CSMD3: variants seen among roughly 807,000 people sequenced by gnomAD.
CSMD3 encodes CUB and Sushi multiple domains 3.
In CSMD3, 177 loss-of-function variants were observed where a neutral mutation model predicts 435.2. The ratio of observed to expected loss-of-function variants is 0.41; its 90% CI spans 0.36 to 0.46. The LOEUF (loss-of-function observed/expected upper bound fraction) is 0.46. CSMD3 is among the 20% of genes least tolerant of loss of function. The pLI, the probability that CSMD3 is intolerant of heterozygous loss-of-function variation, is 0.34. For synonymous variants in CSMD3, 1,656 were observed against 1,520.5 expected (o/e 1.09, Z -2.07); for missense variants, 4,265 against 4,504.6 (o/e 0.95, Z 1.52).
At chr8:112,935,138 C>T (rs2083240698) in intron 9 of CSMD3, among the ~76,000 whole-genome samples, 3 of 151,984 alleles carry the variant, frequency 2.0e-5, no homozygotes, top group Admixed American at 2.0e-4. Context: ...TTTCTGACAC[C>T]ATTTATTGAA....
At chr8:113,331,539 TA>T (rs989215017) in intron 1 of CSMD3, among the ~76,000 whole-genome samples, 7 of 151,612 alleles carry the variant, frequency 4.6e-5, no homozygotes, top group African/African-American at 1.7e-4. Flanking sequence ...CTTGATGAAA[TA>T]CTAGAAAAGT....
intron 13 of CSMD3, among the ~76,000 whole-genome samples, chr8:112,734,378 T>C (rs1215641942): frequency 6.6e-5 from 10 of 151,844 alleles, no homozygotes; most frequent in South Asian, 4.1e-4. Context: ...AGGTCATTGT[T>C]AAACACTAGT....
intron 12 of CSMD3, among the ~76,000 whole-genome samples, chr8:112,807,537 T>TAGGTAGGA (rs1232991977): frequency 0.016 from 1,384 of 87,354 alleles, 16 homozygotes; most frequent in Middle Eastern, 0.038. Flanking sequence ...GGTAGGTAGG[T>TAGGTAGGA]AGGAAATACA....
intron 4 of CSMD3, among the ~76,000 whole-genome samples, chr8:113,127,269 C>G (rs2091160686): frequency 1.3e-5 from 2 of 152,080 alleles, no homozygotes. Context: ...TCACAATCAC[C>G]TGTCATGTCC....
rs550148174 is a variant in CSMD3, at chr8:112,836,904, A to T, written c.1756-7115T>A. On this transcript the variant is annotated intron_variant, in intron 11 of 70. Coordinates refer to ENST00000297405, the MANE Select transcript of CSMD3 (RefSeq NM_198123.2). ...TCCCATGTTTATTTGGCTACTGGTG[A>T]TGAAACTAAACTTCAAGTTTGCTTG... Among the ~76,000 whole-genome samples the T allele has an allele frequency of 5.3e-5, 8 of 152,000 alleles. 1 individual carries two copies. Among genetic ancestry groups the T allele is most frequent in the Admixed American group, 5.3e-4 (8 of 15,214 alleles).
chr8:112,836,042 G>A (rs1396445928), intron 11 of CSMD3, among the ~76,000 whole-genome samples: 1 of 151,736 alleles, frequency 6.6e-6, no homozygotes, highest in Admixed American at 6.6e-5. Flanking sequence ...TATTGGATTT[G>A]GGATAGCCTA....
intron 2 of CSMD3, among the ~76,000 whole-genome samples, chr8:113,299,329 G>GA (rs2093746031): frequency 6.6e-6 from 1 of 151,938 alleles, no homozygotes; most frequent in Non-Finnish European, 1.5e-5. Flanking sequence ...ATGCTTATTT[G>GA]AAAAATATGT....
intron 6 of CSMD3, among the ~76,000 whole-genome samples, chr8:112,994,351 T>C (rs2085565628): frequency 6.6e-6 from 1 of 151,552 alleles, no homozygotes; most frequent in Non-Finnish European, 1.5e-5. Context: ...AATAGCTACA[T>C]ACAAAAGACA....
At chr8:112,805,678 C>A (rs1024364730) in intron 12 of CSMD3, among the ~76,000 whole-genome samples, 3 of 152,170 alleles carry the variant, frequency 2.0e-5, no homozygotes, top group Admixed American at 1.3e-4. Flanking sequence ...CCATCCTCTG[C>A]AAAGTTTTTT....
chr8:112,954,720 A>G lies in CSMD3; in HGVS notation c.1384T>C (p.Phe462Leu). The stretch of plus-strand genomic sequence containing the variant: ...TTGTTGCTGTTGTCTTTCCCTGGAA[A>G]CAATTTAAATCCTCTAGATTTAAAA... ...IDFKSRGFKL[F>L]PGKDNSNKFS... is the part of the protein sequence containing the mutation. The change falls in exon 8 of 71, where the codon TTT (phenylalanine) becomes CTT (leucine). Residue 462 changes from phenylalanine to leucine, a missense_variant. Around this residue, in one of 3 missense-constraint regions of CSMD3, gnomAD observed 731 missense variants for 755.4 expected, o/e 0.97. Transcript: ENST00000297405. 1.2e-6 allele frequency: 2 copies of G among 1,603,286 alleles called. No homozygotes were observed. Among genetic ancestry groups the G allele is most frequent in the Non-Finnish European group, 1.7e-6 (2 of 1,171,366 alleles).
chr8:112,228,853 G>T lies in CSMD3; in HGVS notation c.10867C>A (p.Pro3623Thr), dbSNP rs1409090151. 5 of 1,589,590 alleles carry T rather than the reference G, an allele frequency of 3.1e-6. No homozygotes were observed. The highest frequency in any genetic ancestry group is 4.5e-5 in the East Asian group (2 of 44,572). ...MSEGSNSSNQ[P>T]HGTNSSSVAI... ...ACAGAACTACTATTTGTACCATGAGGTTGATTTGAAGAATTTGAACCTTCT... is the reference window on the plus strand; with the variant it reads ...ACAGAACTACTATTTGTACCATGAGTTTGATTTGAAGAATTTGAACCTTCT... Residue 3623 changes from proline (P) to threonine (T), a missense_variant, in exon 70 of 71, where the codon CCT becomes ACT. By Grantham distance (38) the Pro-to-Thr change is conservative. This residue lies in a region of CSMD3 where 3,255 missense variants were observed against 3,380.2 expected (regional missense o/e 0.96). Transcript: ENST00000297405.
At chr8:112,796,541 C>T (rs2078832876) in intron 13 of CSMD3, among the ~76,000 whole-genome samples, 1 of 151,992 alleles carries the variant, frequency 6.6e-6, no homozygotes. Context: ...TCTAATGTTC[C>T]TTAAGCTAAG....
chr8:113,013,944 G>A (rs183968302), intron 6 of CSMD3, among the ~76,000 whole-genome samples: 3 of 152,266 alleles, frequency 2.0e-5, no homozygotes, highest in Non-Finnish European at 2.9e-5. Context: ...GCAGAAGTGA[G>A]GTGGAGGCCA....
chr8:112,508,569 A>C (rs531907583), intron 28 of CSMD3, among the ~76,000 whole-genome samples: 1 of 152,256 alleles, frequency 6.6e-6, no homozygotes, highest in South Asian at 2.1e-4. Flanking sequence ...AGAGCACAAC[A>C]TTCTCTCATC....
At position 113,096,020 on chromosome 8, in the gene CSMD3, G is replaced by A. The variant is rs576484214; in HGVS notation, c.917+2736C>T. 2.6e-5 allele frequency among the ~76,000 whole-genome samples: 4 copies of A among 152,128 alleles called. No homozygotes were observed. The East Asian group carries it at 7.7e-4, about 29-fold the overall frequency. The stretch of plus-strand genomic sequence containing the variant: ...TAGTGTTGGAGTGTCCCACAACTCA[G>A]GTATTAGTTTCTTTTTCCTTTTTTT... On this transcript the variant is annotated intron_variant, in intron 5 of 70. Transcript: ENST00000297405.
At chr8:112,593,216 A>G (rs1159796416) in intron 22 of CSMD3, among the ~76,000 whole-genome samples, 1 of 152,166 alleles carries the variant, frequency 6.6e-6, no homozygotes, top group Non-Finnish European at 1.5e-5. Flanking sequence ...GAGTTTTAAA[A>G]AGAGAAAAAC....
chr8:113,066,854 C>T (rs1157645857), intron 5 of CSMD3, among the ~76,000 whole-genome samples: 1 of 151,962 alleles, frequency 6.6e-6, no homozygotes, highest in East Asian at 1.9e-4. Flanking sequence ...TAGGATGGGA[C>T]TAAGAAAATA....
intron 35 of CSMD3, among the ~76,000 whole-genome samples, chr8:112,405,199 AAAAAAAAAAAC>A (rs1275310566): frequency 8.4e-4 from 35 of 41,588 alleles, no homozygotes; most frequent in Non-Finnish European, 1.8e-3. Context: ...AAAAAAAAAA[AAAAAAAAAAAC>A]CCCCATATAT....
At chr8:112,292,373 GA>G (rs1217379788) in intron 55 of CSMD3, among the ~76,000 whole-genome samples, 163 bp downstream of exon 55, 3 of 152,018 alleles carry the variant, frequency 2.0e-5, no homozygotes, top group Admixed American at 2.0e-4. Context: ...TACAAATTTA[GA>G]AAAAGGAAAG....
Sources: gnomAD v4.1 joint callset for allele counts (sites outside exome capture counted in the v4.1 genomes callset) on GRCh38, gnomAD v4.1.1 for gene constraint, gnomAD v4.1.1 regional missense constraint, MANE v1.5 for transcripts, NCBI Gene and HGNC (gene_info 2026-07-23, HGNC 2026-07-21) for gene names.